The following CSMD1 variants were observed in gnomAD, a reference collection of about 807,000 sequenced individuals.
The protein encoded by CSMD1 is CUB and sushi domain-containing protein 1.
Under a neutral mutation model 417.5 loss-of-function variants are expected in CSMD1, and 213 were observed. The observed-to-expected ratio is 0.51, with a 90% confidence interval of 0.46 to 0.57. The LOEUF is 0.57. Among genes scored for constraint, CSMD1 ranks in the 20% least tolerant of loss-of-function variants. The pLI, the probability that CSMD1 is intolerant of heterozygous loss-of-function variation, is 0.00. For synonymous variants in CSMD1, 2,862 were observed against 1,736.8 expected, an observed-to-expected ratio of 1.65 and a Z score of -16.11; for missense variants, 6,923 against 4,529.7, an observed-to-expected ratio of 1.53 and a Z score of -15.17.
chr8:3,723,771 G>A (rs971855618), intron 6 of CSMD1, among the ~76,000 whole-genome samples: 1 of 152,148 alleles, frequency 6.6e-6, no homozygotes, highest in Non-Finnish European at 1.5e-5. Context: ...ATTTGAAAGA[G>A]ATGCATAAAG....
At chr8:3,277,312 G>C (rs182678889) in intron 26 of CSMD1, among the ~76,000 whole-genome samples, 4 of 152,152 alleles carry the variant, frequency 2.6e-5, no homozygotes, top group Non-Finnish European at 5.9e-5. Context: ...CGTTGCCCAC[G>C]TTGCTGCGGA....
At chr8:4,053,894 T>C (rs1169475764) in intron 3 of CSMD1, among the ~76,000 whole-genome samples, 2 of 152,226 alleles carry the variant, frequency 1.3e-5, no homozygotes, top group Non-Finnish European at 2.9e-5. Flanking sequence ...ATAATTATCA[T>C]AAATAATAAT....
At chr8:3,677,032 T>G (rs1419838505) in intron 7 of CSMD1, among the ~76,000 whole-genome samples, 1 of 151,854 alleles carries the variant, frequency 6.6e-6, no homozygotes, top group Non-Finnish European at 1.5e-5. Flanking sequence ...AGGGAGAGCA[T>G]TAGAACAAAT....
At chr8:3,611,574 T>G (rs1035272919) in intron 8 of CSMD1, among the ~76,000 whole-genome samples, 1 of 152,192 alleles carries the variant, frequency 6.6e-6, no homozygotes, top group East Asian at 1.9e-4. Context: ...TTTCTAATTT[T>G]CATTAGTAAT....
intron 3 of CSMD1, among the ~76,000 whole-genome samples, chr8:4,372,214 A>T (rs566823332): frequency 6.6e-6 from 1 of 152,238 alleles, no homozygotes; most frequent in East Asian, 1.9e-4. Flanking sequence ...GGTATAAGCT[A>T]AAGCAGGAAA....
At chr8:3,484,604 A>C (rs1428051854) in intron 11 of CSMD1, among the ~76,000 whole-genome samples, 1 of 152,212 alleles carries the variant, frequency 6.6e-6, no homozygotes, top group Non-Finnish European at 1.5e-5. Flanking sequence ...ATCAAAATTA[A>C]AAGCTTTTGC....
chr8:4,083,136 G>A (rs528504483), intron 3 of CSMD1, among the ~76,000 whole-genome samples: 20 of 152,072 alleles, frequency 1.3e-4, no homozygotes, highest in African/African-American at 2.6e-4. Flanking sequence ...ACCCAGTAAC[G>A]GGATGGCTGG....
chr8:4,129,948 C>G (rs1339512777), intron 3 of CSMD1, among the ~76,000 whole-genome samples: 4 of 151,978 alleles, frequency 2.6e-5, no homozygotes, highest in Non-Finnish European at 4.4e-5. Flanking sequence ...GTTCTTATAT[C>G]TTGCAAATTT....
At chr8:3,705,781 T>A (rs754174595) in intron 7 of CSMD1, among the ~76,000 whole-genome samples, 15 of 152,040 alleles carry the variant, frequency 9.9e-5, no homozygotes, top group Admixed American at 4.6e-4. Flanking sequence ...AGAACTGTGG[T>A]CTCCCAGAGG....
At chr8:3,910,659 A>G (rs1462853913) in intron 5 of CSMD1, among the ~76,000 whole-genome samples, 2 of 152,202 alleles carry the variant, frequency 1.3e-5, no homozygotes. Flanking sequence ...ACAGACTGAT[A>G]TTGCTAAATC....
intron 1 of CSMD1, among the ~76,000 whole-genome samples, chr8:4,753,145 A>G (rs927520936): frequency 6.6e-6 from 1 of 152,142 alleles, no homozygotes; most frequent in East Asian, 1.9e-4. Flanking sequence ...TAGAAAGCTG[A>G]AGTCACTTGT....
chr8:4,065,951 T>C (rs1400494489), intron 3 of CSMD1, among the ~76,000 whole-genome samples: 5 of 152,118 alleles, frequency 3.3e-5, no homozygotes, highest in East Asian at 1.9e-4. Flanking sequence ...TGACAAATCA[T>C]TGATGTTCGT....
chr8:3,811,386 C>G (rs1363698825), intron 5 of CSMD1, among the ~76,000 whole-genome samples: 1 of 152,132 alleles, frequency 6.6e-6, no homozygotes, highest in African/African-American at 2.4e-5. Flanking sequence ...CTTACTTGTT[C>G]TGATCTATAG....
intron 5 of CSMD1, among the ~76,000 whole-genome samples, chr8:3,927,792 A>G (rs1809850416): frequency 1.3e-5 from 2 of 152,220 alleles, no homozygotes; most frequent in South Asian, 2.1e-4. Context: ...CAAATCTACC[A>G]AATATTTTAG....
chr8:4,299,486 A>G (rs1272863592), intron 3 of CSMD1, among the ~76,000 whole-genome samples: 1 of 152,200 alleles, frequency 6.6e-6, no homozygotes, highest in Non-Finnish European at 1.5e-5. Context: ...TACTTACTCA[A>G]TAGCCATCAT....
intron 1 of CSMD1, among the ~76,000 whole-genome samples, chr8:4,987,721 A>C (rs1369635620): frequency 6.6e-6 from 1 of 152,174 alleles, no homozygotes; most frequent in Non-Finnish European, 1.5e-5. Context: ...GAGTCAACGG[A>C]CTGGGAGGGG....
At chr8:4,120,206 A>G (rs77168323) in intron 3 of CSMD1, among the ~76,000 whole-genome samples, 1 of 152,082 alleles carries the variant, frequency 6.6e-6, no homozygotes, top group Non-Finnish European at 1.5e-5. Flanking sequence ...ACAAAATTTA[A>G]AATAAAAAAA....
At chr8:3,864,482 T>G (rs372065959) in intron 5 of CSMD1, among the ~76,000 whole-genome samples, 3 of 152,170 alleles carry the variant, frequency 2.0e-5, no homozygotes, top group East Asian at 1.9e-4. Flanking sequence ...ACTTTTTTTA[T>G]TATACTTTAA....
intron 7 of CSMD1, among the ~76,000 whole-genome samples, chr8:3,670,375 G>C (rs1475582467): frequency 6.6e-6 from 1 of 151,500 alleles, no homozygotes; most frequent in Non-Finnish European, 1.5e-5. Context: ...TTGCTCCTCA[G>C]TTTGCAGATG....
Sources: allele counts gnomAD v4.1 joint callset (sites outside exome capture counted in the v4.1 genomes callset), GRCh38; gene constraint gnomAD v4.1.1; transcripts MANE v1.5; gene names NCBI Gene and HGNC (gene_info 2026-07-23, HGNC 2026-07-21).